Variants in RALGAPA1 observed in about 807,000 individuals in gnomAD.
RALGAPA1 encodes ral GTPase-activating protein subunit alpha-1.
In RALGAPA1, 52 loss-of-function variants were observed where a neutral mutation model predicts 269.6. The ratio of observed to expected loss-of-function variants is 0.19; its 90% CI spans 0.15 to 0.24. The LOEUF is 0.24. Among genes scored for constraint, RALGAPA1 ranks in the 10% least tolerant of loss-of-function variants. The pLI is 1.00. For missense variants in RALGAPA1, 1,917 were observed against 3,013.9 expected (o/e 0.64, Z 8.52); for synonymous variants, 817 against 1,008.3 (o/e 0.81, Z 3.60).
intron 1 of RALGAPA1, among the ~76,000 whole-genome samples, chr14:35,793,233 G>A (rs2076318312): frequency 6.7e-6 from 1 of 150,134 alleles, no homozygotes; most frequent in Non-Finnish European, 1.5e-5. Flanking sequence ...TCTCTCCAAA[G>A]TCTACTTTTT....
At chr14:35,572,924 G>C in intron 37 of RALGAPA1, 1 of 329,808 alleles carries the variant, frequency 3.0e-6, no homozygotes, top group East Asian at 4.7e-5. Flanking sequence ...TAATCAATGG[G>C]TAACAGAGAA....
At chr14:35,738,845 T>C (rs1296324705) in intron 11 of RALGAPA1, among the ~76,000 whole-genome samples, 195 bp from the exon 12 acceptor site, 1 of 152,014 alleles carries the variant, frequency 6.6e-6, no homozygotes, top group East Asian at 1.9e-4. Context: ...GACAAAAATA[T>C]AAAGTAAAAA....
intron 41 of RALGAPA1, chr14:35,541,871 A>G (rs2054036181): frequency 3.6e-5 from 17 of 467,028 alleles, no homozygotes; most frequent in South Asian, 2.5e-4. Flanking sequence ...GATAGATAAC[A>G]GATATGAGAG....
chr14:35,584,814 T>G (rs2058175287), intron 37 of RALGAPA1, among the ~76,000 whole-genome samples: 1 of 151,476 alleles, frequency 6.6e-6, no homozygotes, highest in African/African-American at 2.4e-5. Context: ...CAGACAAAAA[T>G]AGAAAACAGT....
Position 35,630,424 on chromosome 14 carries a change from A to G in RALGAPA1, c.5996-2473T>C, listed in dbSNP as rs114946944. Among the ~76,000 whole-genome samples, 1,404 of 152,204 alleles carry G rather than the reference A, an allele frequency of 9.2e-3. 27 individuals are homozygous for G. Among genetic ancestry groups the G allele is most frequent in the African/African-American group, 0.032 (1,340 of 41,526 alleles). On this transcript the variant is annotated intron_variant, in intron 33 of 41. Coordinates refer to ENST00000680220, the MANE Select transcript of RALGAPA1 (RefSeq NM_001346249.2). ...TGCCTCAGCTTCCCAAATAGCTGGT[A>G]TTACAAGCATGTGCCACCACGCCTG...
intron 31 of RALGAPA1, among the ~76,000 whole-genome samples, chr14:35,645,381 GTGTGTGTGTA>G (rs1212878177): frequency 6.7e-5 from 10 of 149,900 alleles, no homozygotes; most frequent in East Asian, 1.9e-4. Flanking sequence ...GTGTGTGTGT[GTGTGTGTGTA>G]TATGTTATGT....
At position 35,764,524 on chromosome 14, in the gene RALGAPA1, A is replaced by G. The variant is rs191395702; in HGVS notation, c.326-1771T>C. On this transcript the variant is annotated intron_variant, in intron 4 of 41. Coordinates refer to ENST00000680220, the MANE Select transcript of RALGAPA1 (RefSeq NM_001346249.2). ...GGGGAGGTGGTATCTTCTGATGCAG[A>G]TAAGTTTTATTTATTTATTTATTTA... Among the ~76,000 whole-genome samples, 389 of 151,564 alleles carry G rather than the reference A, an allele frequency of 2.6e-3. 1 individual carries two copies. The highest frequency in any genetic ancestry group is 3.7e-3 in the Admixed American group (56 of 15,230).
At chr14:35,757,367 G>A (rs1055820462) in intron 6 of RALGAPA1, among the ~76,000 whole-genome samples, 7 of 152,010 alleles carry the variant, frequency 4.6e-5, no homozygotes, top group African/African-American at 7.2e-5. Flanking sequence ...TGATCTGCCC[G>A]CCTCGGCCTC....
chr14:35,722,497 C>T (rs1368786923), intron 15 of RALGAPA1, among the ~76,000 whole-genome samples: 1 of 151,824 alleles, frequency 6.6e-6, no homozygotes, highest in Non-Finnish European at 1.5e-5. Flanking sequence ...CCTGTAGTCC[C>T]AGCTACTTGG....
intron 28 of RALGAPA1, 57 bp from the exon 29 acceptor site, chr14:35,655,972 G>C: frequency 1.9e-6 from 3 of 1,607,936 alleles, no homozygotes; most frequent in Non-Finnish European, 2.5e-6. Context: ...CCACAAACAT[G>C]ACCCACAATC....
chr14:35,787,049 G>C (rs2075847419), intron 1 of RALGAPA1, among the ~76,000 whole-genome samples: 1 of 152,124 alleles, frequency 6.6e-6, no homozygotes, highest in Non-Finnish European at 1.5e-5. Flanking sequence ...AGCCTTCTCT[G>C]AGCCACTCAT....
chr14:35,594,079 C>A (rs541756627), intron 37 of RALGAPA1, among the ~76,000 whole-genome samples: 1 of 151,810 alleles, frequency 6.6e-6, no homozygotes, highest in Admixed American at 6.6e-5. Context: ...CATTTCCACA[C>A]GGAAAAGAAT....
At chr14:35,669,559 T>C (rs1412205192) in intron 26 of RALGAPA1, among the ~76,000 whole-genome samples, 1 of 152,182 alleles carries the variant, frequency 6.6e-6, no homozygotes, top group Non-Finnish European at 1.5e-5. Context: ...TGGCCATCTT[T>C]ATTTTATAGA....
rs200286464 is a variant in RALGAPA1 at position 35,667,578 on chromosome 14, A to AT, written c.5203-2812dup. Among the ~76,000 whole-genome samples, 1,259 of 152,264 alleles carry AT rather than the reference A, an allele frequency of 8.3e-3. 13 individuals are homozygous for AT. The highest frequency in any genetic ancestry group is 0.029 in the African/African-American group (1,191 of 41,542). On this transcript the variant is annotated intron_variant, in intron 26 of 41. Transcript: ENST00000680220. ...TTCTGATTCAGTAAGTAGGTCCAGG[A>AT]TGGGGTCTGAGATTCTGCATTACTA...
At chr14:35,594,080 G>A (rs914231278) in intron 37 of RALGAPA1, among the ~76,000 whole-genome samples, 2 of 151,836 alleles carry the variant, frequency 1.3e-5, no homozygotes, top group Admixed American at 6.6e-5. Flanking sequence ...ATTTCCACAC[G>A]GAAAAGAATA....
rs1247353824 is a variant in RALGAPA1 at position 35,689,796 on chromosome 14, G to T, written c.2615C>A (p.Pro872Gln). Residue 872 changes from proline to glutamine, a missense_variant, in exon 18 of 42, where the codon CCA (proline) becomes CAA (glutamine). By Grantham distance (76) the Pro-to-Gln change is moderately conservative (BLOSUM62 -1). Around this residue, in one of 11 missense-constraint regions of RALGAPA1, gnomAD observed 615 missense variants for 790.0 expected, o/e 0.78. Transcript: ENST00000680220. ...PVIDSSSRHAPSLQSSTEASS... is the reference protein window; with the variant it reads ...PVIDSSSRHAQSLQSSTEASS... ...AGCCTCTGTGGAACTCTGCAAGCTT[G>T]GTGCATGACGGGATGAACTGTCAAT... 6.5e-7 allele frequency: 1 copy of T among 1,550,320 alleles called. No individual in the cohort carries two copies. The highest frequency in any genetic ancestry group is 1.4e-5 in the African/African-American group (1 of 70,062).
chr14:35,605,518 T>G, intron 36 of RALGAPA1, 68 bp downstream of exon 36: 1 of 1,459,364 alleles, frequency 6.9e-7, no homozygotes, highest in South Asian at 1.4e-5. Context: ...TATAATAAGC[T>G]AGGAAAAAAA....
intron 12 of RALGAPA1, among the ~76,000 whole-genome samples, chr14:35,730,920 G>T (rs781619024): frequency 1.6e-4 from 24 of 152,192 alleles, no homozygotes; most frequent in Non-Finnish European, 7.3e-5. Flanking sequence ...CCCGGCAAGA[G>T]GCCAACCACC....
intron 36 of RALGAPA1, among the ~76,000 whole-genome samples, chr14:35,604,485 A>AAT (rs1261153931): frequency 6.6e-6 from 1 of 152,014 alleles, no homozygotes; most frequent in Non-Finnish European, 1.5e-5. Flanking sequence ...AAATCTATAT[A>AAT]AAACACTAAA....
Sources: gnomAD v4.1 joint callset for allele counts (sites outside exome capture counted in the v4.1 genomes callset) on GRCh38, gnomAD v4.1.1 for gene constraint, gnomAD v4.1.1 regional missense constraint, MANE v1.5 for transcripts, NCBI Gene and HGNC (gene_info 2026-07-23, HGNC 2026-07-21) for gene names.